BIRC6: variants seen among roughly 807,000 people sequenced by gnomAD.
The protein encoded by BIRC6 is dual E2 ubiquitin-conjugating enzyme/E3 ubiquitin-protein ligase BIRC6.
A neutral mutation model predicts 503.3 loss-of-function variants in BIRC6; 98 were observed. The observed-to-expected ratio is 0.19, with a 90% CI of 0.17 to 0.23. The LOEUF is 0.23. Ranked by LOEUF, BIRC6 falls within the 10% of genes least tolerant of loss-of-function variation. BIRC6 has a pLI of 1.00. For synonymous variants in BIRC6, 2,240 were observed against 2,078.7 expected (o/e 1.08, Z -2.11); for missense variants, 5,360 against 5,806.0 (o/e 0.92, Z 2.50).
intron 16 of BIRC6, among the ~76,000 whole-genome samples, chr2:32,440,377 T>A (rs2045275518): frequency 6.6e-6 from 1 of 152,184 alleles, no homozygotes. Context: ...AAAGAGAAGT[T>A]GGGGCGTAAT....
rs543943955 is a variant in BIRC6 at position 32,380,819 on chromosome 2, G to A, written c.645+529G>A. On this transcript the variant is annotated intron_variant, in intron 3 of 73. Transcript: ENST00000421745. ...AACTATTTTGCTTATTGTGTTTTCTGATGCTTCCTTAAATCTTTCTTAGTG... is the reference window on the plus strand; with the variant it reads ...AACTATTTTGCTTATTGTGTTTTCTAATGCTTCCTTAAATCTTTCTTAGTG... 6.2e-4 allele frequency among the ~76,000 whole-genome samples: 94 copies of A among 152,280 alleles called. 1 individual carries two copies. Among genetic ancestry groups the A allele is most frequent in the African/African-American group, 1.8e-3 (76 of 41,560 alleles).
chr2:32,387,573 T>C (rs939878174), intron 3 of BIRC6, among the ~76,000 whole-genome samples: 3 of 152,226 alleles, frequency 2.0e-5, no homozygotes, highest in African/African-American at 7.2e-5. Context: ...CGAATATTGC[T>C]GATGGCGAAG....
intron 30 of BIRC6, 58 bp downstream of exon 30, chr2:32,469,672 C>T (rs555605503): frequency 2.1e-6 from 3 of 1,411,680 alleles, no homozygotes; most frequent in Middle Eastern, 1.8e-4. Context: ...TTCACAGTTA[C>T]TGGTTAGCTT....
intron 1 of BIRC6, among the ~76,000 whole-genome samples, chr2:32,373,692 T>A (rs758916903): frequency 5.3e-5 from 8 of 152,044 alleles, no homozygotes; most frequent in Admixed American, 3.9e-4. Flanking sequence ...CCTCAGAAAA[T>A]TAAGGAAAAA....
At chr2:32,382,360 A>C (rs1035893297) in intron 3 of BIRC6, among the ~76,000 whole-genome samples, 1 of 152,204 alleles carries the variant, frequency 6.6e-6, no homozygotes, top group Non-Finnish European at 1.5e-5. Context: ...TAAAACAACC[A>C]AACCAAAACA....
intron 10 of BIRC6, 100 bp from the exon 11 acceptor site, chr2:32,429,046 C>A: frequency 9.8e-7 from 1 of 1,019,358 alleles, no homozygotes; most frequent in Non-Finnish European, 1.4e-6. Context: ...TCCTTATCTG[C>A]CTATGAAGTG....
At chr2:32,380,541 A>G (rs776369886) in intron 3 of BIRC6, among the ~76,000 whole-genome samples, 5 of 152,158 alleles carry the variant, frequency 3.3e-5, no homozygotes, top group Admixed American at 6.5e-5. Context: ...AGCCTGGCCA[A>G]CATGGCGAAA....
chr2:32,376,741 T>C (rs1010500376), intron 1 of BIRC6, among the ~76,000 whole-genome samples: 2 of 152,206 alleles, frequency 1.3e-5, no homozygotes, highest in Non-Finnish European at 2.9e-5. Context: ...TTTCTTCTTA[T>C]GCATACCTGT....
At chr2:32,383,734 G>A (rs1436790138) in intron 3 of BIRC6, among the ~76,000 whole-genome samples, 1 of 152,120 alleles carries the variant, frequency 6.6e-6, no homozygotes, top group Non-Finnish European at 1.5e-5. Flanking sequence ...GTTTCACTGT[G>A]TTGGCCAGGC....
Position 32,532,790 on chromosome 2 carries a change from A to G in BIRC6, c.12291+1239A>G, listed in dbSNP as rs185623175. Among the ~76,000 whole-genome samples the G allele has an allele frequency of 3.0e-3, 454 of 152,306 alleles. 7 individuals carry two copies. The highest frequency in any genetic ancestry group is 0.011 in the African/African-American group (442 of 41,574). ...TAATTACTCAAAAGTTTGAAGCAGA[A>G]AAGACCCCAACATTTTCAGCATTAT... On this transcript the variant is annotated intron_variant, in intron 61 of 73. Transcript: ENST00000421745.
At chr2:32,571,794 TTTCTA>T (rs1482578991) in intron 65 of BIRC6, among the ~76,000 whole-genome samples, 4 of 152,116 alleles carry the variant, frequency 2.6e-5, no homozygotes, top group East Asian at 1.9e-4. Flanking sequence ...TGTTCTTACT[TTTCTA>T]GTTCCTTGAG....
intron 21 of BIRC6, 44 bp downstream of exon 21, chr2:32,445,712 A>G: frequency 7.3e-7 from 1 of 1,362,562 alleles, no homozygotes; most frequent in Non-Finnish European, 9.7e-7. Context: ...GTCTCTGAGT[A>G]TGATCACGCT....
At position 32,464,741 on chromosome 2, in the gene BIRC6, C is replaced by T. The variant is rs1326598357; in HGVS notation, c.5174C>T (p.Ala1725Val). Reference sequence around the variant, plus strand: ...TCCGTTGTGATTAATGCCGAACTTGCACAGCTTTTCCCAGGCTCAGTCATT... The same window carrying T: ...TCCGTTGTGATTAATGCCGAACTTGTACAGCTTTTCCCAGGCTCAGTCATT... ...AVSVVINAEL[A>V]QLFPGSVIDP... Residue 1725 changes from alanine (A) to valine (V), a missense_variant, in exon 25 of 74, where the codon GCA (alanine) becomes GTA (valine). By Grantham distance (64) the Ala-to-Val change is moderately conservative. Coordinates refer to ENST00000421745, the MANE Select transcript of BIRC6 (RefSeq NM_016252.4). 6.2e-7 allele frequency: 1 copy of T among 1,613,888 alleles called. No homozygotes were observed. The highest frequency in any genetic ancestry group is 8.5e-7 in the Non-Finnish European group (1 of 1,179,904).
intron 23 of BIRC6, among the ~76,000 whole-genome samples, chr2:32,456,953 T>TG (rs1302740108): frequency 1.6e-4 from 25 of 152,230 alleles, no homozygotes; most frequent in African/African-American, 5.8e-4. Flanking sequence ...TTTTTTGAGA[T>TG]GGGGTCTTGC....
intron 1 of BIRC6, among the ~76,000 whole-genome samples, chr2:32,359,159 A>G (rs1044650004): frequency 6.6e-6 from 1 of 152,184 alleles, no homozygotes; most frequent in Admixed American, 6.5e-5. Context: ...TATCCTTTTC[A>G]TATATGTCTA....
At chr2:32,520,898 G>A (rs888262951) in intron 57 of BIRC6, among the ~76,000 whole-genome samples, 2 of 152,286 alleles carry the variant, frequency 1.3e-5, no homozygotes, top group South Asian at 2.1e-4. Flanking sequence ...TATTTCATAT[G>A]TTTAACTTGA....
At chr2:32,534,915 C>G (rs1214013883) in intron 61 of BIRC6, among the ~76,000 whole-genome samples, 1 of 150,914 alleles carries the variant, frequency 6.6e-6, no homozygotes, top group Non-Finnish European at 1.5e-5. Context: ...AGAAAAATTT[C>G]CCAAATAGAT....
rs940797727 is a variant in BIRC6, at chr2:32,499,998, C to G, written c.8920C>G (p.Gln2974Glu). The G allele has an allele frequency of 1.2e-6, 2 of 1,613,944 alleles. No homozygotes were observed. Among genetic ancestry groups the G allele is most frequent in the South Asian group, 2.2e-5 (2 of 91,074 alleles). The part of the protein sequence containing the change: ...KDGNGSSTSV[Q>E]GSPAYVADLV... ...TGGCAATGGAAGCAGTACCAGTGTT[C>G]AAGGATCGCCTGCATATGTTGCTGA... Residue 2974 changes from glutamine to glutamate, a missense_variant, in exon 46 of 74, where the codon CAA (glutamine) becomes GAA (glutamate). Physicochemically the swap from Gln to Glu is conservative, Grantham distance 29. Coordinates refer to ENST00000421745, the MANE Select transcript of BIRC6 (RefSeq NM_016252.4).
At chr2:32,453,036 G>T (rs1252661092) in intron 22 of BIRC6, among the ~76,000 whole-genome samples, 2 of 149,864 alleles carry the variant, frequency 1.3e-5, no homozygotes, top group Admixed American at 6.6e-5. Context: ...TTTGCTTTGT[G>T]ATTTAAATAA....
Sources: gnomAD v4.1 joint callset for allele counts (sites outside exome capture counted in the v4.1 genomes callset) on GRCh38, gnomAD v4.1.1 for gene constraint, MANE v1.5 for transcripts, NCBI Gene and HGNC (gene_info 2026-07-23, HGNC 2026-07-21) for gene names.